Variants in CTDSPL2 observed in about 807,000 individuals in gnomAD.
The protein encoded by CTDSPL2 is CTD small phosphatase-like protein 2.
CTDSPL2 carries 5 observed loss-of-function variants against 60.0 expected under a neutral mutation model. The observed-to-expected ratio is 0.08, with a 90% CI of 0.04 to 0.18. The LOEUF (loss-of-function observed/expected upper bound fraction) is 0.18, where lower values mean the gene tolerates loss of function less well. Among genes scored for constraint, CTDSPL2 ranks in the 10% least tolerant of loss-of-function variants. The probability of loss-of-function intolerance (pLI) is 1.00; values close to 1 mark genes in which losing one functional copy is unlikely to be tolerated. For missense variants in CTDSPL2, 370 were observed against 548.8 expected, an observed-to-expected ratio of 0.67 and a Z score of 3.26; for synonymous variants, 186 against 189.3, an observed-to-expected ratio of 0.98 and a Z score of 0.14.
At chr15:44,503,031 C>T (rs1229119963) in intron 8 of CTDSPL2, among the ~76,000 whole-genome samples, 2 of 151,964 alleles carry the variant, frequency 1.3e-5, no homozygotes, top group South Asian at 2.1e-4. Context: ...AAAAAAAAAC[C>T]TGAAAGATCT....
chr15:44,498,181 A>C (rs2081332954), intron 7 of CTDSPL2, among the ~76,000 whole-genome samples: 1 of 152,168 alleles, frequency 6.6e-6, no homozygotes, highest in Admixed American at 6.5e-5. Context: ...GGGATTGAGG[A>C]AGGAACTAAT....
intron 2 of CTDSPL2, among the ~76,000 whole-genome samples, chr15:44,480,799 C>T (rs1427500892): frequency 1.3e-5 from 2 of 151,536 alleles, no homozygotes; most frequent in Non-Finnish European, 2.9e-5. Context: ...TGCTACTACA[C>T]TCCAGTATGG....
intron 8 of CTDSPL2, among the ~76,000 whole-genome samples, chr15:44,511,068 C>T (rs561899799): frequency 6.6e-6 from 1 of 152,160 alleles, no homozygotes; most frequent in Non-Finnish European, 1.5e-5. Context: ...TACCTTTCTA[C>T]GTTTCTTCCC....
At chr15:44,486,299 A>G (rs766936379) in intron 3 of CTDSPL2, among the ~76,000 whole-genome samples, 2 of 152,218 alleles carry the variant, frequency 1.3e-5, no homozygotes, top group South Asian at 2.1e-4. Context: ...CTTTCAGTCT[A>G]TAGGTGTAAA....
At chr15:44,466,940 A>AAAAAC (rs374825117) in intron 2 of CTDSPL2, among the ~76,000 whole-genome samples, 7,085 of 152,208 alleles carry the variant, frequency 0.047, 316 homozygotes, top group East Asian at 0.23. Context: ...CTCCGTCTCA[A>AAAAAC]AAAACAAAAC....
intron 2 of CTDSPL2, among the ~76,000 whole-genome samples, chr15:44,462,143 C>T (rs895711403): frequency 9.9e-5 from 15 of 152,152 alleles, no homozygotes; most frequent in East Asian, 1.9e-4. Flanking sequence ...AAGGCTTCAC[C>T]GTGTTGCTCA....
intron 11 of CTDSPL2, 151 bp from the exon 12 acceptor site, chr15:44,521,160 T>A: frequency 2.1e-6 from 1 of 474,486 alleles, no homozygotes; most frequent in South Asian, 2.9e-5. Flanking sequence ...CTTGCACTAT[T>A]GAGTTGTCAA....
chr15:44,452,924 G>A (rs2080360183), intron 1 of CTDSPL2, among the ~76,000 whole-genome samples: 1 of 151,918 alleles, frequency 6.6e-6, no homozygotes, highest in African/African-American at 2.4e-5. Flanking sequence ...TACATACAAG[G>A]TCTTTGTGAT....
chr15:44,475,382 T>C (rs899390316), intron 2 of CTDSPL2, among the ~76,000 whole-genome samples: 2 of 152,186 alleles, frequency 1.3e-5, no homozygotes, highest in Admixed American at 1.3e-4. Flanking sequence ...CTCACGCCTA[T>C]AATCCCAGCA....
At chr15:44,495,416 A>G (rs987592808) in intron 5 of CTDSPL2, among the ~76,000 whole-genome samples, 9 of 152,018 alleles carry the variant, frequency 5.9e-5, no homozygotes, top group Non-Finnish European at 8.8e-5. Context: ...CCCCGTCTCT[A>G]CTAAAAATAC....
In CTDSPL2 at chr15:44,427,660, G is replaced by C. The variant is rs1292445823; in HGVS notation, c.-137G>C. The C allele has an allele frequency of 2.5e-6, 1 of 399,268 alleles. No individual in the cohort carries two copies. The highest frequency in any genetic ancestry group is 4.4e-6 in the Non-Finnish European group (1 of 226,346). 24.7% of individuals were successfully genotyped at this position (399,268 alleles called of 1,614,324 possible). A position where few individuals can be genotyped will look rare whatever the true frequency, so the allele number is the denominator to read the frequency against. ...GGTCGGTAGGCGGGAAATGGCGACTGGCTGAAGGAGCTGGTTCTGTTGCTG... is the reference window on the plus strand; with the variant it reads ...GGTCGGTAGGCGGGAAATGGCGACTCGCTGAAGGAGCTGGTTCTGTTGCTG... On this transcript the variant is annotated 5_prime_UTR_variant, in exon 1 of 13. Coordinates refer to ENST00000260327, the MANE Select transcript of CTDSPL2 (RefSeq NM_016396.3).
At chr15:44,458,804 A>G (rs1473823232) in intron 1 of CTDSPL2, among the ~76,000 whole-genome samples, 187 bp from the exon 2 acceptor site, 6 of 152,184 alleles carry the variant, frequency 3.9e-5, no homozygotes, top group Admixed American at 3.9e-4. Flanking sequence ...GGGATAATAT[A>G]AATAATGTAT....
intron 2 of CTDSPL2, among the ~76,000 whole-genome samples, chr15:44,474,553 G>A (rs1216536367): frequency 4.6e-5 from 7 of 151,900 alleles, no homozygotes; most frequent in Non-Finnish European, 1.0e-4. Context: ...CTTGCTAAAC[G>A]TGGCTATAAA....
chr15:44,494,434 T>C (rs2081263901), intron 5 of CTDSPL2, among the ~76,000 whole-genome samples: 1 of 146,126 alleles, frequency 6.8e-6, no homozygotes, highest in African/African-American at 2.4e-5. Flanking sequence ...AACAAGATAC[T>C]TTTTTGTCTC....
chr15:44,501,475 T>G (rs2081380268), intron 8 of CTDSPL2, among the ~76,000 whole-genome samples: 2 of 152,174 alleles, frequency 1.3e-5, no homozygotes, highest in South Asian at 4.1e-4. Flanking sequence ...CCATTTCTGC[T>G]TTAACTCTCT....
chr15:44,468,661 T>C (rs553406494), intron 2 of CTDSPL2, among the ~76,000 whole-genome samples: 1 of 152,354 alleles, frequency 6.6e-6, no homozygotes, highest in South Asian at 2.1e-4. Context: ...TTGCAGCTAC[T>C]ATTCAACTGC....
chr15:44,496,524 G>T, intron 6 of CTDSPL2, 66 bp downstream of exon 6: 1 of 1,205,584 alleles, frequency 8.3e-7, no homozygotes, highest in Admixed American at 1.8e-5. Context: ...TTATATATGT[G>T]GATTGGTGGC....
At chr15:44,471,333 C>T (rs1166101588) in intron 2 of CTDSPL2, among the ~76,000 whole-genome samples, 4 of 152,084 alleles carry the variant, frequency 2.6e-5, no homozygotes, top group Non-Finnish European at 5.9e-5. Flanking sequence ...AAGATGTATG[C>T]TTAACTTCTT....
chr15:44,443,615 G>A (rs1012553235), intron 1 of CTDSPL2, among the ~76,000 whole-genome samples: 1 of 151,986 alleles, frequency 6.6e-6, no homozygotes, highest in African/African-American at 2.4e-5. Flanking sequence ...TGAGTGTGAA[G>A]CTGTTTTTTA....
Sources: gnomAD v4.1 joint callset for allele counts (sites outside exome capture counted in the v4.1 genomes callset) on GRCh38, gnomAD v4.1.1 for gene constraint, MANE v1.5 for transcripts, NCBI Gene and HGNC (gene_info 2026-07-23, HGNC 2026-07-21) for gene names.